The following FRRS1 variants were observed in gnomAD, a reference collection of about 807,000 sequenced individuals.
FRRS1 encodes the protein ferric chelate reductase 1.
A neutral mutation model predicts 70.7 loss-of-function variants in FRRS1; 51 were observed. The ratio of observed to expected loss-of-function variants is 0.72; its 90% CI spans 0.58 to 0.91. The LOEUF is 0.91. Ranked by LOEUF, FRRS1 falls within the 40% of genes least tolerant of loss-of-function variation. The probability of loss-of-function intolerance (pLI) is 0.00; values close to 1 mark genes in which losing one functional copy is unlikely to be tolerated. For missense variants in FRRS1, 672 were observed against 726.0 expected, an observed-to-expected ratio of 0.93 and a Z score of 0.86; for synonymous variants, 225 against 238.7, an observed-to-expected ratio of 0.94 and a Z score of 0.53.
chr1:99,727,743 G>A (rs1177463999), intron 9 of FRRS1, among the ~76,000 whole-genome samples: 2 of 152,182 alleles, frequency 1.3e-5, no homozygotes, highest in African/African-American at 4.8e-5. Context: ...CCTAAGAGAT[G>A]AGTCATTAAA....
Position 99,738,247 on chromosome 1 carries a change from T to C in FRRS1, c.598A>G (p.Asn200Asp). Residue 200 changes from asparagine (N) to aspartate (D), a missense_variant, in exon 7 of 17, where the codon AAC becomes GAC. Transcript: ENST00000646001. ...TKPFSASDCG[N>D]KKFCIRSPLN... ...GGACTCCTAATACAGAACTTCTTGT[T>C]CCCACAATCTGAGGCACTGAACTAG... is the stretch of plus-strand genomic sequence containing the variant. The C allele has an allele frequency of 6.2e-7, 1 of 1,603,540 alleles. No individual in the cohort carries two copies. Among genetic ancestry groups the C allele is most frequent in the Non-Finnish European group, 8.5e-7 (1 of 1,176,382 alleles).
chr1:99,737,146 C>A (rs1249294861), intron 7 of FRRS1, among the ~76,000 whole-genome samples: 2 of 152,116 alleles, frequency 1.3e-5, no homozygotes, highest in African/African-American at 4.8e-5. Context: ...CCACAATACT[C>A]TTCCTGCTCC....
In FRRS1 at chr1:99,715,644, G is replaced by A. The variant is rs1378325866; in HGVS notation, c.1265C>T (p.Thr422Ile). 1 of 1,613,318 alleles carries A rather than the reference G, an allele frequency of 6.2e-7. No individual in the cohort carries two copies. Among genetic ancestry groups the A allele is most frequent in the East Asian group, 2.2e-5 (1 of 44,886 alleles). ...QVHRMLMFTT[T>I]VLTCIAFVMP... ...AACAAAAGCAATGCAGGTGAGGACA[G>A]TTGTGGTGAACATGAGCATCCGATG... Residue 422 changes from threonine (T) to isoleucine (I), a missense_variant, in exon 12 of 17, where the codon ACT becomes ATT. Coordinates refer to ENST00000646001, the MANE Select transcript of FRRS1 (RefSeq NM_001361041.2).
At chr1:99,713,934 C>T (rs75207491) in intron 12 of FRRS1, among the ~76,000 whole-genome samples, 109 of 152,118 alleles carry the variant, frequency 7.2e-4, no homozygotes, top group African/African-American at 2.4e-3. Flanking sequence ...GTAATGGAAG[C>T]GTGTGCCAGG....
rs908473226 is a variant in FRRS1 at position 99,717,358 on chromosome 1, T to C, written c.1236+52A>G. On this transcript the variant is annotated intron_variant, in intron 11 of 16. Transcript: ENST00000646001. ...ACACATACTTCATATGTTTTCATGT[T>C]GCAATGTTCAAATACTATGAATATT... The C allele has an allele frequency of 1.4e-5, 16 of 1,126,106 alleles. No homozygotes were observed. In the East Asian group the frequency reaches 3.7e-4, roughly 26 times the overall value. 69.8% of individuals were successfully genotyped at this position (1,126,106 alleles called of 1,614,324 possible).
chr1:99,714,684 C>T (rs1654435709), intron 12 of FRRS1, among the ~76,000 whole-genome samples: 1 of 152,164 alleles, frequency 6.6e-6, no homozygotes, highest in African/African-American at 2.4e-5. Flanking sequence ...GCCAGTGGAA[C>T]TTCCCAGTGG....
chr1:99,766,549 T>C (rs1478283474), intron 1 of FRRS1, 58 bp downstream of exon 1: 2 of 152,230 alleles, frequency 1.3e-5, no homozygotes, highest in African/African-American at 4.8e-5. Context: ...TAAGCTGGAT[T>C]TGATTTTTAA....
chr1:99,763,299 T>C (rs1291512840), intron 1 of FRRS1, among the ~76,000 whole-genome samples: 1 of 151,996 alleles, frequency 6.6e-6, no homozygotes, highest in Non-Finnish European at 1.5e-5. Context: ...GGACAGGAAT[T>C]TGGTTAAATT....
chr1:99,752,810 G>C (rs1239467926), intron 1 of FRRS1, among the ~76,000 whole-genome samples: 2 of 151,960 alleles, frequency 1.3e-5, no homozygotes, highest in African/African-American at 4.8e-5. Flanking sequence ...ATGTGACATA[G>C]AGACACAAAG....
intron 1 of FRRS1, among the ~76,000 whole-genome samples, chr1:99,757,455 T>C (rs1312223786): frequency 1.3e-5 from 2 of 152,178 alleles, no homozygotes; most frequent in Non-Finnish European, 2.9e-5. Context: ...TTTTTGGAGA[T>C]AGAAGCTGGA....
rs34392259 is a variant in FRRS1, at chr1:99,758,848, G to A, written c.-106+7759C>T. On this transcript the variant is annotated intron_variant, in intron 1 of 16. Coordinates refer to ENST00000646001, the MANE Select transcript of FRRS1 (RefSeq NM_001361041.2). ...TACCCTGGGAAAGGAATGCACTCCT[G>A]GGGGGAGGCCTATAAATGGCCGCTC... Among the ~76,000 whole-genome samples the A allele has an allele frequency of 6.9e-3, 1,052 of 151,582 alleles. 18 individuals are homozygous for A. Among genetic ancestry groups the A allele is most frequent in the African/African-American group, 0.025 (1,006 of 40,942 alleles).
chr1:99,754,036 G>A (rs2100992959), intron 1 of FRRS1, among the ~76,000 whole-genome samples: 1 of 152,286 alleles, frequency 6.6e-6, no homozygotes, highest in East Asian at 1.9e-4. Context: ...AAAGTTATCA[G>A]AGATAAAGAG....
At position 99,715,580 on chromosome 1, in the gene FRRS1, A is replaced by G. The variant is rs566930145; in HGVS notation, c.1323+6T>C. The G allele has an allele frequency of 1.3e-6, 2 of 1,566,194 alleles. No homozygotes were observed. Among genetic ancestry groups the G allele is most frequent in the East Asian group, 4.5e-5 (2 of 44,672 alleles). ...ATAAAAAAAACCCTATTTAAGATAT[A>G]CTTACCCTACTCCAGCCTCCCCTGT... On this transcript the variant is annotated splice_donor_region_variant and intron_variant, in intron 12 of 16. Coordinates refer to ENST00000646001, the MANE Select transcript of FRRS1 (RefSeq NM_001361041.2).
chr1:99,744,814 C>T (rs568822949), intron 4 of FRRS1, among the ~76,000 whole-genome samples: 1 of 148,872 alleles, frequency 6.7e-6, no homozygotes, highest in Non-Finnish European at 1.5e-5. Context: ...AATAATAATA[C>T]AAAAAATTAG....
At chr1:99,764,715 A>T (rs1333045574) in intron 1 of FRRS1, among the ~76,000 whole-genome samples, 1 of 152,246 alleles carries the variant, frequency 6.6e-6, no homozygotes, top group Non-Finnish European at 1.5e-5. Context: ...ATTTAACCTT[A>T]CTGAGTCTTA....
intron 9 of FRRS1, among the ~76,000 whole-genome samples, chr1:99,725,585 T>C (rs1295721428): frequency 2.0e-5 from 3 of 152,236 alleles, no homozygotes; most frequent in Non-Finnish European, 4.4e-5. Flanking sequence ...TGAAGCACAT[T>C]AAGCGCGACA....
intron 1 of FRRS1, among the ~76,000 whole-genome samples, chr1:99,766,255 A>G (rs1657346695): frequency 6.6e-6 from 1 of 152,182 alleles, no homozygotes; most frequent in South Asian, 2.1e-4. Context: ...TTAAATATAA[A>G]AAAAGAGTTC....
chr1:99,753,020 C>T (rs1047972775), intron 1 of FRRS1, among the ~76,000 whole-genome samples: 7 of 152,040 alleles, frequency 4.6e-5, no homozygotes, highest in African/African-American at 1.7e-4. Flanking sequence ...CAAGACCAGC[C>T]TGGGCAACAT....
At chr1:99,727,530 T>G (rs913464031) in intron 9 of FRRS1, among the ~76,000 whole-genome samples, 14 of 152,230 alleles carry the variant, frequency 9.2e-5, no homozygotes, top group Non-Finnish European at 1.6e-4. Context: ...TTTATTCTGC[T>G]TCAAAACTTT....
Sources: allele counts gnomAD v4.1 joint callset (sites outside exome capture counted in the v4.1 genomes callset), GRCh38; gene constraint gnomAD v4.1.1; transcripts MANE v1.5; gene names NCBI Gene and HGNC (gene_info 2026-07-23, HGNC 2026-07-21).